NUDC: variants seen among roughly 807,000 people sequenced by gnomAD.
The protein encoded by NUDC is nuclear distribution C, dynein complex regulator.
NUDC carries 14 observed loss-of-function variants against 45.0 expected under a neutral mutation model. The observed-to-expected ratio is 0.31, with a 90% CI of 0.21 to 0.49. The LOEUF (loss-of-function observed/expected upper bound fraction) is 0.49. Among genes scored for constraint, NUDC ranks in the 20% least tolerant of loss-of-function variants. The probability of loss-of-function intolerance (pLI) is 0.99; values close to 1 mark genes in which losing one functional copy is unlikely to be tolerated. For synonymous variants in NUDC, 153 were observed against 156.7 expected, an observed-to-expected ratio of 0.98 and a Z score of 0.17; for missense variants, 323 against 426.2, an observed-to-expected ratio of 0.76 and a Z score of 2.13.
At chr1:26,942,355 G>A (rs1276041139) in intron 4 of NUDC, among the ~76,000 whole-genome samples, 1 of 152,222 alleles carries the variant, frequency 6.6e-6, no homozygotes, top group Non-Finnish European at 1.5e-5. Context: ...AATAGCCAGA[G>A]AGGGCAGTGC....
chr1:26,931,017 G>GA (rs764032124), intron 2 of NUDC, among the ~76,000 whole-genome samples: 28 of 151,982 alleles, frequency 1.8e-4, no homozygotes, highest in Non-Finnish European at 3.8e-4. Flanking sequence ...CTCTGTCTCA[G>GA]AAAAAAAGTG....
chr1:26,903,056 A>G (rs932323116), intron 2 of NUDC, among the ~76,000 whole-genome samples: 2 of 152,180 alleles, frequency 1.3e-5, no homozygotes, highest in Admixed American at 6.5e-5. Flanking sequence ...TGTCTCAAAA[A>G]AAAAAAAATT....
chr1:26,929,190 C>T (rs188371175), intron 2 of NUDC, among the ~76,000 whole-genome samples: 94 of 152,148 alleles, frequency 6.2e-4, no homozygotes, highest in African/African-American at 2.0e-3. Context: ...CCTTTGTATC[C>T]GTGGGCTCTG....
At chr1:26,906,604 C>T (rs905844834) in intron 2 of NUDC, among the ~76,000 whole-genome samples, 1 of 151,758 alleles carries the variant, frequency 6.6e-6, no homozygotes, top group African/African-American at 2.4e-5. Flanking sequence ...AATCCCAGCA[C>T]TTTGGGAGGC....
At chr1:26,946,082 C>T in intron 8 of NUDC, 48 bp from the exon 9 acceptor site, 1 of 1,579,758 alleles carries the variant, frequency 6.3e-7, no homozygotes, top group Non-Finnish European at 8.7e-7. Context: ...GAAGGGACAG[C>T]TTTAGAAGAG....
intron 2 of NUDC, among the ~76,000 whole-genome samples, chr1:26,909,303 G>T (rs1486057288): frequency 6.6e-6 from 1 of 151,982 alleles, no homozygotes; most frequent in Non-Finnish European, 1.5e-5. Flanking sequence ...TTTTTGTAGA[G>T]GCAGGAGTCT....
chr1:26,918,279 C>CTTTTTT (rs749407425), upstream of NUDC, among the ~76,000 whole-genome samples: 3 of 113,808 alleles, frequency 2.6e-5, no homozygotes, highest in Admixed American at 9.3e-5. Context: ...TCAAGTGATT[C>CTTTTTT]TTTTTTTTTT....
rs773231681 is a variant in NUDC, at chr1:26,946,204, C to T, written c.*23C>T. 2 of 1,604,804 alleles carry T rather than the reference C, an allele frequency of 1.2e-6. No individual in the cohort carries two copies. Among genetic ancestry groups the T allele is most frequent in the South Asian group, 1.1e-5 (1 of 90,854 alleles). ...TAGCCCCTGTTTTTTCCTCCCTGAA[C>T]TCTTGGGGCTGAGCTGCAACCACCC... On this transcript the variant is annotated 3_prime_UTR_variant, in exon 9 of 9. Coordinates refer to ENST00000321265, the MANE Select transcript of NUDC (RefSeq NM_006600.4).
intron 2 of NUDC, among the ~76,000 whole-genome samples, chr1:26,908,886 C>T (rs1000969247): frequency 5.3e-5 from 8 of 151,860 alleles, no homozygotes; most frequent in Non-Finnish European, 8.8e-5. Flanking sequence ...GGAGCCACCG[C>T]ACCTGGCTAA....
intron 6 of NUDC, among the ~76,000 whole-genome samples, chr1:26,944,496 C>T (rs1360179502): frequency 6.6e-6 from 1 of 152,160 alleles, no homozygotes; most frequent in East Asian, 1.9e-4. Flanking sequence ...CTGCACCTGG[C>T]ACTTCCCTGC....
chr1:26,903,552 A>G (rs2081989203), intron 2 of NUDC, among the ~76,000 whole-genome samples: 1 of 152,186 alleles, frequency 6.6e-6, no homozygotes, highest in African/African-American at 2.4e-5. Context: ...GCAAATATAC[A>G]GCTATATGAT....
At chr1:26,924,382 G>C (rs563421826) in intron 2 of NUDC, among the ~76,000 whole-genome samples, 1 of 152,128 alleles carries the variant, frequency 6.6e-6, no homozygotes, top group Non-Finnish European at 1.5e-5. Context: ...TTCTACAAGA[G>C]GGGCAGGTGT....
At chr1:26,934,037 C>G (rs2082206352) in intron 2 of NUDC, among the ~76,000 whole-genome samples, 2 of 152,116 alleles carry the variant, frequency 1.3e-5, no homozygotes, top group Admixed American at 1.3e-4. Flanking sequence ...CCTGTATTCC[C>G]AGCCACTTAG....
chr1:26,906,095 A>G (rs2124052871), intron 2 of NUDC, among the ~76,000 whole-genome samples: 1 of 152,264 alleles, frequency 6.6e-6, no homozygotes, highest in African/African-American at 2.4e-5. Flanking sequence ...CAGCCTGACC[A>G]AATGTAGAAA....
chr1:26,906,297 A>T (rs2082002682), intron 2 of NUDC, among the ~76,000 whole-genome samples: 1 of 151,652 alleles, frequency 6.6e-6, no homozygotes, highest in African/African-American at 2.4e-5. Flanking sequence ...ACGAAAAAAT[A>T]CAAAAAGCAT....
Position 26,921,869 on chromosome 1 carries a change from G to A in NUDC, c.21G>A (p.Glu7=), listed in dbSNP as rs1279497773. 6.4e-7 allele frequency: 1 copy of A among 1,554,732 alleles called. No homozygotes were observed. The highest frequency in any genetic ancestry group is 1.9e-5 in the Admixed American group (1 of 51,396). MGGEQE[E]ERFDGMLLAM... is the part of the protein sequence containing the mutation. ...GCGCGATGGGCGGAGAGCAGGAGGA[G>A]GAGCGGTTCGACGGCATGTTGCTGG... is the stretch of plus-strand genomic sequence containing the variant. The change falls in exon 1 of 9, where the codon GAG becomes GAA. Residue 7 remains glutamate, a synonymous_variant. Transcript: ENST00000321265.
intron 2 of NUDC, among the ~76,000 whole-genome samples, chr1:26,903,901 C>T (rs2081991124): frequency 2.0e-5 from 3 of 151,268 alleles, no homozygotes; most frequent in South Asian, 2.1e-4. Flanking sequence ...GTCCCAGCTA[C>T]TCGGGAGGCT....
chr1:26,931,132 C>T (rs1271665766), intron 2 of NUDC, among the ~76,000 whole-genome samples: 1 of 152,078 alleles, frequency 6.6e-6, no homozygotes, highest in East Asian at 2.0e-4. Context: ...GCCTGGAGTG[C>T]AGTGGCGCCA....
chr1:26,927,264 C>CGTGTGTGTGTGTGTGTGTGTGTGTGTGT (rs60238934), intron 2 of NUDC, among the ~76,000 whole-genome samples: 2 of 91,804 alleles, frequency 2.2e-5, no homozygotes, highest in Non-Finnish European at 4.3e-5. Flanking sequence ...AGAGATGAAC[C>CGTGTGTGTGTGTGTGTGTGTGTGTGTGT]GTGTGTGTGT....
Sources: gnomAD v4.1 joint callset for allele counts (sites outside exome capture counted in the v4.1 genomes callset) on GRCh38, gnomAD v4.1.1 for gene constraint, MANE v1.5 for transcripts, NCBI Gene and HGNC (gene_info 2026-07-23, HGNC 2026-07-21) for gene names.